CNTNAP5: variants seen among roughly 807,000 people sequenced by gnomAD.
The protein encoded by CNTNAP5 is contactin associated protein family member 5.
Under a neutral mutation model 150.2 loss-of-function variants are expected in CNTNAP5, and 72 were observed. The ratio of observed to expected loss-of-function variants is 0.48; its 90% CI spans 0.40 to 0.58. The LOEUF (loss-of-function observed/expected upper bound fraction) is 0.58. Among genes scored for constraint, CNTNAP5 ranks in the 20% least tolerant of loss-of-function variants. The probability of loss-of-function intolerance (pLI) is 0.00; values close to 1 mark genes in which losing one functional copy is unlikely to be tolerated. For missense variants in CNTNAP5, 1,636 were observed against 1,626.2 expected, an observed-to-expected ratio of 1.01 and a Z score of -0.10; for synonymous variants, 672 against 619.8, an observed-to-expected ratio of 1.08 and a Z score of -1.25.
Position 124,342,392 on chromosome 2 carries a change from CAG to C in CNTNAP5, c.382-75046_382-75045del, listed in dbSNP as rs1689639850. 3.3e-5 allele frequency among the ~76,000 whole-genome samples: 5 copies of C among 152,144 alleles called. No individual in the cohort carries two copies. The South Asian group carries it at 1.0e-3, about 32-fold the overall frequency. ...ACTATCTCCAAGTTCTTGGGTTTGT[CAG>C]AGAGTGACATTCTTTACTTACCAGC... On this transcript the variant is annotated intron_variant, in intron 3 of 23. Coordinates refer to ENST00000682447, the MANE Select transcript of CNTNAP5 (RefSeq NM_001367498.1).
At chr2:124,377,444 T>A (rs963304669) in intron 3 of CNTNAP5, among the ~76,000 whole-genome samples, 2 of 151,958 alleles carry the variant, frequency 1.3e-5, no homozygotes, top group Non-Finnish European at 2.9e-5. Flanking sequence ...GTGGCTGAGG[T>A]GGGCAGATCA....
At chr2:124,302,723 A>G (rs1156265494) in intron 3 of CNTNAP5, among the ~76,000 whole-genome samples, 2 of 152,302 alleles carry the variant, frequency 1.3e-5, no homozygotes, top group East Asian at 3.9e-4. Flanking sequence ...GGGAGATACC[A>G]GCAAGCCACA....
chr2:124,713,219 GTTTC>G (rs1284588697), intron 13 of CNTNAP5, among the ~76,000 whole-genome samples: 8 of 78,178 alleles, frequency 1.0e-4, no homozygotes, highest in East Asian at 4.3e-4. Flanking sequence ...TTCTTTCTCT[GTTTC>G]TTTCTTTCTT....
intron 3 of CNTNAP5, among the ~76,000 whole-genome samples, chr2:124,242,595 G>T (rs529937341): frequency 6.6e-6 from 1 of 152,030 alleles, no homozygotes; most frequent in Non-Finnish European, 1.5e-5. Context: ...GTCGCAAATA[G>T]TTTAGTATGT....
intron 13 of CNTNAP5, among the ~76,000 whole-genome samples, chr2:124,675,069 G>A (rs1678911181): frequency 6.6e-6 from 1 of 151,892 alleles, no homozygotes; most frequent in Non-Finnish European, 1.5e-5. Flanking sequence ...AACCATTATT[G>A]CTAAATTGCC....
In CNTNAP5 at chr2:124,766,981, T is replaced by C. The variant is rs190004375; in HGVS notation, c.2533+2834T>C. ...TCAAGATCTTATACTCTCAAATATT[T>C]GTTATTATTAATATTTAAAAGGGGA... is the stretch of plus-strand genomic sequence containing the variant. On this transcript the variant is annotated intron_variant, in intron 16 of 23. Transcript: ENST00000682447. Among the ~76,000 whole-genome samples, 54 of 152,302 alleles carry C rather than the reference T, an allele frequency of 3.5e-4. No homozygotes were observed. The East Asian group carries it at 6.9e-3, about 20-fold the overall frequency.
At chr2:124,831,172 C>T (rs1682709016) in intron 19 of CNTNAP5, among the ~76,000 whole-genome samples, 2 of 151,904 alleles carry the variant, frequency 1.3e-5, no homozygotes, top group Admixed American at 1.3e-4. Flanking sequence ...ATCTTTCATA[C>T]ATTCTCTTTT....
At chr2:124,331,773 T>C (rs571666501) in intron 3 of CNTNAP5, among the ~76,000 whole-genome samples, 1 of 152,124 alleles carries the variant, frequency 6.6e-6, no homozygotes, top group African/African-American at 2.4e-5. Context: ...TTACAGCTAA[T>C]CAGAAGACTT....
chr2:124,435,717 G>A (rs985859979), intron 5 of CNTNAP5, among the ~76,000 whole-genome samples: 17 of 152,260 alleles, frequency 1.1e-4, no homozygotes, highest in Middle Eastern at 3.4e-3. Flanking sequence ...ATACATTTTA[G>A]CAATTAGCTG....
intron 3 of CNTNAP5, among the ~76,000 whole-genome samples, chr2:124,398,364 C>A (rs1221396915): frequency 6.6e-6 from 1 of 152,086 alleles, no homozygotes; most frequent in Admixed American, 6.5e-5. Context: ...TCCCTGTTGC[C>A]TTTGGGGGAA....
intron 6 of CNTNAP5, 139 bp from the exon 7 acceptor site, chr2:124,474,600 A>G (rs1255987650): frequency 1.5e-6 from 1 of 652,506 alleles, no homozygotes; most frequent in African/African-American, 1.9e-5. Context: ...TAAATGTGTA[A>G]TCAAGTAGCA....
At chr2:124,816,758 A>G (rs936864644) in intron 19 of CNTNAP5, among the ~76,000 whole-genome samples, 1 of 152,166 alleles carries the variant, frequency 6.6e-6, no homozygotes, top group Admixed American at 6.6e-5. Context: ...GATTACAAGC[A>G]TGAGCCACCG....
chr2:124,685,511 T>C (rs534536620), intron 13 of CNTNAP5, among the ~76,000 whole-genome samples: 29 of 152,302 alleles, frequency 1.9e-4, no homozygotes, highest in African/African-American at 7.0e-4. Context: ...CATTTGGTGA[T>C]TGTGATGACT....
At chr2:124,359,684 C>A (rs373848004) in intron 3 of CNTNAP5, among the ~76,000 whole-genome samples, 1 of 110,004 alleles carries the variant, frequency 9.1e-6, no homozygotes, top group African/African-American at 3.7e-5. Context: ...TTGTTATAAT[C>A]TCTGTTCTTT....
intron 1 of CNTNAP5, among the ~76,000 whole-genome samples, chr2:124,218,285 G>T (rs924263684): frequency 2.6e-5 from 4 of 152,080 alleles, no homozygotes; most frequent in Non-Finnish European, 5.9e-5. Flanking sequence ...GGCAAAAATA[G>T]GCTTCCATTC....
chr2:124,916,565 G>T lies in CNTNAP5; in HGVS notation c.*2277G>T, dbSNP rs1678773388. ...GAACTCTTCATTATTCAATCTTTGA[G>T]CAGTGAGGACTATGTTTTGCTGACA... On this transcript the variant is annotated 3_prime_UTR_variant, in exon 24 of 24. Transcript: ENST00000682447. Among the ~76,000 whole-genome samples the T allele has an allele frequency of 6.6e-6, 1 of 152,056 alleles. No homozygotes were observed. Among genetic ancestry groups the T allele is most frequent in the Non-Finnish European group, 1.5e-5 (1 of 67,970 alleles).
At chr2:124,836,075 A>G (rs1157066942) in intron 19 of CNTNAP5, among the ~76,000 whole-genome samples, 1 of 152,172 alleles carries the variant, frequency 6.6e-6, no homozygotes, top group Non-Finnish European at 1.5e-5. Context: ...GCCAATGGTA[A>G]GTGGCAGAAG....
chr2:124,796,130 T>C (rs1021218403), intron 18 of CNTNAP5, among the ~76,000 whole-genome samples: 1 of 152,106 alleles, frequency 6.6e-6, no homozygotes, highest in Admixed American at 6.6e-5. Context: ...CAGACAATAT[T>C]TAAATATTAA....
rs183646812 is a variant in CNTNAP5, at chr2:124,356,095, C to A, written c.382-61348C>A. 4.7e-4 allele frequency among the ~76,000 whole-genome samples: 72 copies of A among 152,090 alleles called. 1 individual carries two copies. Among genetic ancestry groups the A allele is most frequent in the Non-Finnish European group, 8.5e-4 (58 of 67,994 alleles). ...AGCCTTGGTAGTCATATAGTTTGACCAAATGACAGAATAAAGATTGTCCCA... is the reference window on the plus strand; with the variant it reads ...AGCCTTGGTAGTCATATAGTTTGACAAAATGACAGAATAAAGATTGTCCCA... On this transcript the variant is annotated intron_variant, in intron 3 of 23. Transcript: ENST00000682447.
Sources: allele counts gnomAD v4.1 joint callset (sites outside exome capture counted in the v4.1 genomes callset), GRCh38; gene constraint gnomAD v4.1.1; transcripts MANE v1.5; gene names NCBI Gene and HGNC (gene_info 2026-07-23, HGNC 2026-07-21).